The following UNC79 variants were observed in gnomAD, a reference collection of about 807,000 sequenced individuals.
The protein encoded by UNC79 is unc-79 subunit of NALCN channel complex.
Under a neutral mutation model 283.1 loss-of-function variants are expected in UNC79, and 37 were observed. The observed-to-expected ratio is 0.13, with a 90% CI of 0.10 to 0.17. UNC79 has a LOEUF of 0.17. Among genes scored for constraint, UNC79 ranks in the 10% least tolerant of loss-of-function variants. The pLI is 1.00. For missense variants in UNC79, 2,272 were observed against 3,211.1 expected (o/e 0.71, Z 7.07); for synonymous variants, 1,107 against 1,200.2 (o/e 0.92, Z 1.61).
intron 7 of UNC79, among the ~76,000 whole-genome samples, chr14:93,512,486 T>C (rs1043161818): frequency 2.0e-5 from 3 of 152,104 alleles, no homozygotes; most frequent in African/African-American, 7.2e-5. Flanking sequence ...ATTCTGCCAT[T>C]TCTGTTTTCT....
intron 26 of UNC79, 61 bp downstream of exon 26, chr14:93,603,479 G>T (rs142021584): frequency 1.7e-5 from 26 of 1,560,218 alleles, no homozygotes; most frequent in African/African-American, 4.1e-5. Flanking sequence ...AGGCTGACTT[G>T]TCTTGTTGAA....
chr14:93,485,219 T>C (rs2058353949), intron 4 of UNC79, among the ~76,000 whole-genome samples: 1 of 142,908 alleles, frequency 7.0e-6, no homozygotes, highest in Non-Finnish European at 1.5e-5. Flanking sequence ...TGTATATATA[T>C]ATATGTATAT....
At chr14:93,652,268 T>A (rs1023341208) in intron 35 of UNC79, among the ~76,000 whole-genome samples, 1 of 152,158 alleles carries the variant, frequency 6.6e-6, no homozygotes, top group African/African-American at 2.4e-5. Flanking sequence ...TTGTTGTTGC[T>A]GTTGCTGTTG....
At chr14:93,378,749 G>A (rs2054609712) in intron 1 of UNC79, among the ~76,000 whole-genome samples, 1 of 152,150 alleles carries the variant, frequency 6.6e-6, no homozygotes, top group Admixed American at 6.5e-5. Flanking sequence ...AAATTTTGGA[G>A]CATGTTGGAT....
chr14:93,386,537 G>A (rs180955287), intron 1 of UNC79, among the ~76,000 whole-genome samples: 2 of 152,316 alleles, frequency 1.3e-5, no homozygotes, highest in Non-Finnish European at 2.9e-5. Flanking sequence ...GTTTGAGTAG[G>A]ATTGGTATTA....
At chr14:93,583,369 C>T (rs531220198) in intron 20 of UNC79, among the ~76,000 whole-genome samples, 1 of 147,982 alleles carries the variant, frequency 6.8e-6, no homozygotes, top group South Asian at 2.1e-4. Flanking sequence ...CCTGGGAGCC[C>T]ACTCCAGTAT....
rs1274038327 is a variant in UNC79 at position 93,514,373 on chromosome 14, C to A, written c.899-9605C>A. Among the ~76,000 whole-genome samples the A allele has an allele frequency of 3.3e-5, 5 of 152,252 alleles. No homozygotes were observed. The South Asian group carries it at 8.3e-4, about 25-fold the overall frequency. ...ACGGTCTTTATTCCTAAGGTGTGACCTATCTGTTACAAACTATTGTCTCCT... is the reference window on the plus strand; with the variant it reads ...ACGGTCTTTATTCCTAAGGTGTGACATATCTGTTACAAACTATTGTCTCCT... On this transcript the variant is annotated intron_variant, in intron 7 of 48. Transcript: ENST00000555664.
intron 10 of UNC79, among the ~76,000 whole-genome samples, chr14:93,529,571 C>A (rs75917578): frequency 2.0e-5 from 3 of 152,128 alleles, no homozygotes; most frequent in African/African-American, 7.2e-5. Flanking sequence ...GGATTCCATA[C>A]GACTAAAGCC....
At position 93,621,376 on chromosome 14, in the gene UNC79, A is replaced by G. The variant is rs2067119680; in HGVS notation, c.4388-245A>G. ...ATGCACAAATGAACAGAGCTGAGGA[A>G]TTATCCCGAAGCCCGATTTTGGAAA... is the stretch of plus-strand genomic sequence containing the variant. On this transcript the variant is annotated intron_variant, in intron 29 of 48. Transcript: ENST00000555664. This position sits in a 1 kb window ranked among gnomAD's most constrained non-coding sequence, Gnocchi z 4.8. 6.6e-6 allele frequency among the ~76,000 whole-genome samples: 1 copy of G among 152,186 alleles called. No individual in the cohort carries two copies. Among genetic ancestry groups the G allele is most frequent in the Admixed American group, 6.5e-5 (1 of 15,284 alleles).
chr14:93,458,602 C>T (rs1376519269), intron 1 of UNC79, among the ~76,000 whole-genome samples: 1 of 152,144 alleles, frequency 6.6e-6, no homozygotes, highest in Admixed American at 6.5e-5. Context: ...AAGAAAAAGA[C>T]TACTGCATTA....
intron 14 of UNC79, 79 bp downstream of exon 14, chr14:93,542,775 A>G: frequency 1.4e-6 from 2 of 1,390,676 alleles, no homozygotes; most frequent in South Asian, 2.3e-5. Flanking sequence ...TGTGGGTATT[A>G]TCAGTGTCTG....
intron 1 of UNC79, among the ~76,000 whole-genome samples, chr14:93,360,677 T>G (rs1484546588): frequency 6.6e-6 from 1 of 152,238 alleles, no homozygotes; most frequent in Non-Finnish European, 1.5e-5. Flanking sequence ...TTTTTGCTTC[T>G]ACAAGATATC....
At chr14:93,563,832 T>G (rs1314588508) in intron 14 of UNC79, among the ~76,000 whole-genome samples, 1 of 151,954 alleles carries the variant, frequency 6.6e-6, no homozygotes, top group African/African-American at 2.4e-5. Context: ...ATGGTAATTG[T>G]GGGAGACTCA....
At chr14:93,564,209 C>T (rs563620525) in intron 14 of UNC79, among the ~76,000 whole-genome samples, 18 of 152,186 alleles carry the variant, frequency 1.2e-4, no homozygotes, top group African/African-American at 1.7e-4. Flanking sequence ...CTTCAAGCAA[C>T]GGAAAGAGGA....
chr14:93,692,050 A>G, intron 46 of UNC79, 104 bp downstream of exon 49: 1 of 1,320,774 alleles, frequency 7.6e-7, no homozygotes, highest in Non-Finnish European at 1.1e-6. Context: ...TTGTAAGGTT[A>G]TATAAATGGA....
intron 1 of UNC79, among the ~76,000 whole-genome samples, chr14:93,375,668 A>C (rs1029998335): frequency 2.0e-5 from 3 of 152,146 alleles, no homozygotes; most frequent in African/African-American, 7.2e-5. Flanking sequence ...AAGACATCTC[A>C]TATGGTGGGA....
At chr14:93,379,337 A>G (rs1164555759) in intron 1 of UNC79, among the ~76,000 whole-genome samples, 1 of 152,126 alleles carries the variant, frequency 6.6e-6, no homozygotes. Context: ...GCTATAGATA[A>G]CCAAAAAAGT....
chr14:93,467,534 A>G (rs919219793), intron 1 of UNC79, 137 bp from the exon 2 acceptor site: 21 of 1,044,996 alleles, frequency 2.0e-5, no homozygotes, highest in Non-Finnish European at 2.6e-5. Context: ...GTTTCTTAAA[A>G]TACTGATTAA....
At position 93,505,628 on chromosome 14, in the gene UNC79, G is replaced by A. The variant is rs186884883; in HGVS notation, c.898+8342G>A. ...TTTTACCTTTTAATTGGAGCATTTA[G>A]CCCATATATATGTAATGTAGTTACT... On this transcript the variant is annotated intron_variant, in intron 7 of 48. Coordinates refer to ENST00000555664, the Ensembl canonical transcript of UNC79. Among the ~76,000 whole-genome samples the A allele has an allele frequency of 1.2e-4, 18 of 151,692 alleles. No homozygotes were observed. The East Asian group carries it at 3.5e-3, about 29-fold the overall frequency.
Sources: allele counts gnomAD v4.1 joint callset (sites outside exome capture counted in the v4.1 genomes callset), GRCh38; gene constraint gnomAD v4.1.1; non-coding constraint Gnocchi (gnomAD v3.1); transcripts MANE v1.5; gene names NCBI Gene and HGNC (gene_info 2026-07-23, HGNC 2026-07-21).